Variants in HHLA2 observed in about 807,000 individuals in gnomAD.
The protein encoded by HHLA2 is HHLA2 member of B7 family.
A neutral mutation model predicts 45.9 loss-of-function variants in HHLA2; 48 were observed. That is an observed-to-expected ratio of 1.05 (90% confidence interval 0.83 to 1.33). The LOEUF is 1.33. HHLA2 is among the 40% of genes most tolerant of loss of function. HHLA2 has a pLI of 0.00. For missense variants in HHLA2, 462 were observed against 494.3 expected (o/e 0.93, Z 0.62); for synonymous variants, 161 against 173.9 (o/e 0.93, Z 0.59).
intron 2 of HHLA2, among the ~76,000 whole-genome samples, chr3:108,320,505 A>G (rs1221768087): frequency 1.3e-5 from 2 of 152,298 alleles, no homozygotes; most frequent in East Asian, 3.9e-4. Context: ...GATTCTCATC[A>G]TACTTCTTCA....
chr3:108,325,789 G>A (rs62266194), intron 2 of HHLA2: 2 of 302,622 alleles, frequency 6.6e-6, no homozygotes, highest in Non-Finnish European at 1.3e-5. Flanking sequence ...CACAACCATT[G>A]AAGTTTCCTC....
exon 11 of HHLA2, chr3:108,377,286 G>C (rs1192191906): frequency 1.3e-6 from 2 of 1,571,104 alleles, no homozygotes; most frequent in East Asian, 2.2e-5. Flanking sequence ...TAGGAAATGA[G>C]AGAAGACTGT....
chr3:108,321,833 G>A (rs1053475594), intron 2 of HHLA2, among the ~76,000 whole-genome samples: 7 of 151,892 alleles, frequency 4.6e-5, no homozygotes, highest in Non-Finnish European at 1.0e-4. Flanking sequence ...TCTATTTACT[G>A]TCTAGGAGAC....
chr3:108,362,594 A>G, intron 8 of HHLA2, 148 bp downstream of exon 7: 1 of 626,096 alleles, frequency 1.6e-6, no homozygotes, highest in Non-Finnish European at 2.8e-6. Flanking sequence ...AAAATCTTTT[A>G]AAATGCTCCT....
At chr3:108,317,576 C>CCT (rs778903008) in intron 2 of HHLA2, among the ~76,000 whole-genome samples, 75 of 122,610 alleles carry the variant, frequency 6.1e-4, no homozygotes, top group Non-Finnish European at 6.8e-4. Context: ...GAGATTACTT[C>CCT]TTTTTTTTTT....
intron 6 of HHLA2, among the ~76,000 whole-genome samples, chr3:108,357,119 G>T (rs2081907396): frequency 6.6e-6 from 1 of 152,180 alleles, no homozygotes; most frequent in Admixed American, 6.5e-5. Flanking sequence ...TGAACCATCA[G>T]AGAGGCCCTG....
chr3:108,338,203 A>G (rs1196458209), intron 3 of HHLA2, among the ~76,000 whole-genome samples: 1 of 151,482 alleles, frequency 6.6e-6, no homozygotes, highest in Non-Finnish European at 1.5e-5. Context: ...TATCAAAGAT[A>G]TATATATATA....
chr3:108,313,139 G>A (rs909814108), intron 2 of HHLA2, among the ~76,000 whole-genome samples: 3 of 152,156 alleles, frequency 2.0e-5, no homozygotes, highest in African/African-American at 7.2e-5. Context: ...TACCTGTGGG[G>A]TAGTTAGAAA....
exon 8 of HHLA2, chr3:108,362,364 C>T (rs1163212997): frequency 1.2e-6 from 2 of 1,612,432 alleles, no homozygotes; most frequent in Admixed American, 3.3e-5. Context: ...AAACAGCTTC[C>T]CATAACAAAG....
intron 3 of HHLA2, among the ~76,000 whole-genome samples, chr3:108,340,130 AGGGC>A (rs2081539220): frequency 6.6e-6 from 1 of 152,120 alleles, no homozygotes; most frequent in Admixed American, 6.5e-5. Context: ...GATTAGAAGG[AGGGC>A]TAAGGTTTAG....
intron 3 of HHLA2, among the ~76,000 whole-genome samples, chr3:108,347,321 C>G (rs907550230): frequency 1.3e-5 from 2 of 152,140 alleles, no homozygotes; most frequent in Non-Finnish European, 2.9e-5. Context: ...TGTAATTTCT[C>G]ACTTTATTCA....
At chr3:108,369,935 G>A (rs1245704102) in intron 8 of HHLA2, among the ~76,000 whole-genome samples, 3 of 152,214 alleles carry the variant, frequency 2.0e-5, no homozygotes, top group African/African-American at 7.2e-5. Context: ...AGACTTAAAT[G>A]TCCCTGTCTG....
At chr3:108,327,160 T>G (rs1485961704) in intron 2 of HHLA2, among the ~76,000 whole-genome samples, 1 of 152,206 alleles carries the variant, frequency 6.6e-6, no homozygotes, top group Non-Finnish European at 1.5e-5. Flanking sequence ...TTTTCTCTCA[T>G]CTTTGGCTTC....
chr3:108,358,255 A>G (rs191362065), intron 7 of HHLA2, 94 bp downstream of exon 6: 531 of 806,592 alleles, frequency 6.6e-4, no homozygotes, highest in Non-Finnish European at 9.0e-4. Flanking sequence ...TTTCAAGAAT[A>G]CATTGATACC....
At chr3:108,305,426 A>C (rs1445490031) in intron 1 of HHLA2, among the ~76,000 whole-genome samples, 1 of 152,190 alleles carries the variant, frequency 6.6e-6, no homozygotes, top group Non-Finnish European at 1.5e-5. Flanking sequence ...CGTGCCTCAA[A>C]GTCCTCCACG....
At chr3:108,365,767 T>C (rs1262237429) in intron 8 of HHLA2, among the ~76,000 whole-genome samples, 3 of 152,328 alleles carry the variant, frequency 2.0e-5, no homozygotes, top group East Asian at 3.9e-4. Flanking sequence ...AGTTCACTCA[T>C]GATTTGGGTC....
intron 2 of HHLA2, among the ~76,000 whole-genome samples, chr3:108,322,099 T>C (rs998715870): frequency 1.3e-5 from 2 of 152,212 alleles, no homozygotes; most frequent in African/African-American, 4.8e-5. Flanking sequence ...ATTTCTGTCT[T>C]CTGTGACAGC....
intron 8 of HHLA2, among the ~76,000 whole-genome samples, chr3:108,366,135 T>A (rs544016897): frequency 2.0e-5 from 3 of 152,210 alleles, no homozygotes; most frequent in Non-Finnish European, 4.4e-5. Flanking sequence ...TAGCTCTTAT[T>A]ATATTGAGAT....
At chr3:108,330,157 A>T (rs1450557098) in intron 3 of HHLA2, among the ~76,000 whole-genome samples, 1 of 152,208 alleles carries the variant, frequency 6.6e-6, no homozygotes, top group African/African-American at 2.4e-5. Context: ...AATGGAAGCC[A>T]CAGTGTCTTT....
Sources: allele counts gnomAD v4.1 joint callset (sites outside exome capture counted in the v4.1 genomes callset), GRCh38; gene constraint gnomAD v4.1.1; transcripts MANE v1.5; gene names NCBI Gene and HGNC (gene_info 2026-07-23, HGNC 2026-07-21).